NEBL: variants seen among roughly 807,000 people sequenced by gnomAD.
The protein encoded by NEBL is nebulette.
Under a neutral mutation model 140.2 loss-of-function variants are expected in NEBL, and 122 were observed. The observed-to-expected ratio is 0.87, with a 90% confidence interval of 0.75 to 1.01. The LOEUF (loss-of-function observed/expected upper bound fraction) is 1.01, where lower values mean the gene tolerates loss of function less well. NEBL is among the 50% of genes least tolerant of loss of function. NEBL has a pLI of 0.00. For missense variants in NEBL, 1,365 were observed against 1,231.3 expected (o/e 1.11, Z -1.62); for synonymous variants, 436 against 398.9 (o/e 1.09, Z -1.11).
At chr10:20,951,813 A>T (rs1463874073) in intron 4 of NEBL, among the ~76,000 whole-genome samples, 1 of 152,202 alleles carries the variant, frequency 6.6e-6, no homozygotes, top group Non-Finnish European at 1.5e-5. Flanking sequence ...GCTATGTCCC[A>T]AAAGGTATAA....
At chr10:20,861,229 G>T (rs1843666975) in intron 7 of NEBL, among the ~76,000 whole-genome samples, 1 of 152,148 alleles carries the variant, frequency 6.6e-6, no homozygotes, top group Admixed American at 6.5e-5. Context: ...CCAGGCTGGA[G>T]TGCAGTGGCA....
chr10:21,135,014 C>T (rs778330350), intron 2 of NEBL, among the ~76,000 whole-genome samples: 1 of 152,180 alleles, frequency 6.6e-6, no homozygotes, highest in African/African-American at 2.4e-5. Flanking sequence ...TTCACCCGCT[C>T]CACCCTCCAT....
At chr10:20,816,148 T>C (rs989652569) in intron 21 of NEBL, among the ~76,000 whole-genome samples, 1 of 152,198 alleles carries the variant, frequency 6.6e-6, no homozygotes, top group African/African-American at 2.4e-5. Context: ...GAGTTGTATT[T>C]AAAATGCTGG....
chr10:20,794,651 C>A (rs1029358817), intron 26 of NEBL, among the ~76,000 whole-genome samples: 1 of 152,038 alleles, frequency 6.6e-6, no homozygotes, highest in African/African-American at 2.4e-5. Context: ...AGGTGTATAC[C>A]CCTGTGAAAG....
At chr10:21,224,208 G>T (rs1362842772) in intron 3 of NEBL, among the ~76,000 whole-genome samples, 2 of 152,148 alleles carry the variant, frequency 1.3e-5, no homozygotes, top group Admixed American at 1.3e-4. Flanking sequence ...AGAGATAGGG[G>T]TCTAGTTTCA....
chr10:21,227,625 C>T (rs1436891998), intron 3 of NEBL, among the ~76,000 whole-genome samples: 1 of 151,606 alleles, frequency 6.6e-6, no homozygotes, highest in African/African-American at 2.4e-5. Flanking sequence ...GGAAATATTG[C>T]ACTAAGGGAA....
chr10:21,048,205 G>T (rs1348374469), intron 2 of NEBL, among the ~76,000 whole-genome samples: 1 of 152,200 alleles, frequency 6.6e-6, no homozygotes, highest in Non-Finnish European at 1.5e-5. Flanking sequence ...TGTCCTCAAA[G>T]AGTTGGTATC....
At chr10:20,841,831 T>C (rs1055345446) in intron 12 of NEBL, among the ~76,000 whole-genome samples, 9 of 152,170 alleles carry the variant, frequency 5.9e-5, no homozygotes, top group African/African-American at 2.2e-4. Flanking sequence ...TTTGGAAGGC[T>C]GTCTCCATGC....
intron 2 of NEBL, among the ~76,000 whole-genome samples, chr10:20,894,430 A>G (rs186439770): frequency 6.6e-6 from 1 of 152,134 alleles, no homozygotes; most frequent in East Asian, 1.9e-4. Flanking sequence ...CTGCAGTCAC[A>G]TGACAGAACT....
chr10:20,971,240 A>G (rs988409724), intron 3 of NEBL, among the ~76,000 whole-genome samples: 15 of 152,214 alleles, frequency 9.9e-5, no homozygotes, highest in Non-Finnish European at 2.1e-4. Flanking sequence ...TATTATATCT[A>G]TATTAATAAG....
chr10:21,271,301 A>G (rs1842857299), intron 1 of NEBL, among the ~76,000 whole-genome samples: 1 of 152,338 alleles, frequency 6.6e-6, no homozygotes, highest in Non-Finnish European at 1.5e-5. Flanking sequence ...ACAAACTCTA[A>G]AACTTCGACT....
At chr10:21,001,931 A>G (rs996851290) in intron 3 of NEBL, among the ~76,000 whole-genome samples, 8 of 152,146 alleles carry the variant, frequency 5.3e-5, no homozygotes, top group Non-Finnish European at 1.2e-4. Flanking sequence ...CTTATTTCTC[A>G]TTTGTGGATT....
intron 3 of NEBL, among the ~76,000 whole-genome samples, chr10:21,207,142 T>A (rs1465527291): frequency 3.3e-5 from 5 of 151,888 alleles, no homozygotes; most frequent in Admixed American, 3.3e-4. Flanking sequence ...CCTGGCTAAT[T>A]TTTGTATTTG....
At chr10:21,215,675 T>C (rs1040453005) in intron 3 of NEBL, among the ~76,000 whole-genome samples, 1 of 152,162 alleles carries the variant, frequency 6.6e-6, no homozygotes, top group Admixed American at 6.5e-5. Flanking sequence ...TTGTTTTTGT[T>C]TTTGAGACAG....
At chr10:21,207,218 C>A (rs1178052517) in intron 3 of NEBL, among the ~76,000 whole-genome samples, 1 of 152,016 alleles carries the variant, frequency 6.6e-6, no homozygotes, top group South Asian at 2.1e-4. Context: ...AGGTGATTCA[C>A]CTGCCTTGGC....
intron 2 of NEBL, among the ~76,000 whole-genome samples, chr10:21,043,013 G>T (rs142737420): frequency 5.5e-4 from 84 of 152,328 alleles, no homozygotes; most frequent in Non-Finnish European, 1.0e-3. Context: ...AGGTGGAAAA[G>T]TCTGCTGTGT....
chr10:21,203,936 T>G (rs368366532), intron 3 of NEBL, among the ~76,000 whole-genome samples: 1 of 152,158 alleles, frequency 6.6e-6, no homozygotes, highest in Non-Finnish European at 1.5e-5. Flanking sequence ...GTGTGCTCTT[T>G]CCCTGACGTC....
intron 2 of NEBL, among the ~76,000 whole-genome samples, chr10:21,132,391 T>A (rs1188064169): frequency 1.3e-5 from 2 of 152,218 alleles, no homozygotes; most frequent in African/African-American, 4.8e-5. Context: ...CGTCAATTAG[T>A]GGACATTTGG....
rs181537503 is a variant in NEBL, at chr10:21,182,653, G to A, written n.349-10176C>T. Reference sequence around the variant, plus strand: ...AGAAAACTGCAAGTTCTGAGGAATAGTCCAAAGATCCACACATGTGTTGTC... The same window carrying A: ...AGAAAACTGCAAGTTCTGAGGAATAATCCAAAGATCCACACATGTGTTGTC... On this transcript the variant is annotated intron_variant and non_coding_transcript_variant, in intron 3 of 8. Coordinates refer to the NEBL transcript ENST00000675702. Among the ~76,000 whole-genome samples, 38 of 152,124 alleles carry A rather than the reference G, an allele frequency of 2.5e-4. No homozygotes were observed. The Middle Eastern group carries it at 0.01, about 41-fold the overall frequency.
Sources: gnomAD v4.1 joint callset for allele counts (sites outside exome capture counted in the v4.1 genomes callset) on GRCh38, gnomAD v4.1.1 for gene constraint, MANE v1.5 for transcripts, NCBI Gene and HGNC (gene_info 2026-07-23, HGNC 2026-07-21) for gene names.